Variants in TRIM33 observed in about 807,000 individuals in gnomAD.
TRIM33 encodes the protein tripartite motif containing 33, also known as E3 ubiquitin-protein ligase TRIM33.
Under a neutral mutation model 125.4 loss-of-function variants are expected in TRIM33, and 20 were observed. The observed-to-expected ratio is 0.16, with a 90% CI of 0.11 to 0.23. The LOEUF is 0.23. TRIM33 is among the 10% of genes least tolerant of loss of function. The pLI is 1.00. For synonymous variants in TRIM33, 564 were observed against 513.9 expected, an observed-to-expected ratio of 1.10 and a Z score of -1.32; for missense variants, 920 against 1,411.4, an observed-to-expected ratio of 0.65 and a Z score of 5.58.
At chr1:114,410,457 G>GT in intron 11 of TRIM33, 141 bp from the exon 12 acceptor site, 2 of 853,024 alleles carry the variant, frequency 2.3e-6, no homozygotes, top group Non-Finnish European at 3.5e-6. Flanking sequence ...TGCTTCCTTA[G>GT]GGTCCACTGA....
intron 1 of TRIM33, among the ~76,000 whole-genome samples, chr1:114,480,878 G>A (rs1651287364): frequency 1.3e-5 from 2 of 152,052 alleles, no homozygotes; most frequent in Admixed American, 1.3e-4. Context: ...AAAAGGAGAG[G>A]AGAAGATAAA....
intron 11 of TRIM33, among the ~76,000 whole-genome samples, chr1:114,413,558 C>CAAAAAAAAAAA (rs34268626): frequency 2.5e-5 from 1 of 40,804 alleles, no homozygotes; most frequent in African/African-American, 1.2e-4. Context: ...AACTCCATCT[C>CAAAAAAAAAAA]AAAAAAAAAA....
At chr1:114,491,571 G>C (rs917417186) in intron 1 of TRIM33, among the ~76,000 whole-genome samples, 1 of 152,188 alleles carries the variant, frequency 6.6e-6, no homozygotes, top group African/African-American at 2.4e-5. Context: ...GGAGGCTAAA[G>C]TAGGTAGATA....
intron 1 of TRIM33, among the ~76,000 whole-genome samples, chr1:114,486,449 C>T (rs1383112341): frequency 6.7e-6 from 1 of 150,226 alleles, no homozygotes; most frequent in Non-Finnish European, 1.5e-5. Context: ...TGGAGAAACT[C>T]CGTTTCTAAC....
intron 17 of TRIM33, 21 bp downstream of exon 17, chr1:114,401,368 C>A: frequency 6.2e-7 from 1 of 1,604,224 alleles, no homozygotes; most frequent in Non-Finnish European, 8.5e-7. Context: ...CCCCACCGAG[C>A]TACTAAGGTA....
In TRIM33 at chr1:114,396,811, T is replaced by G. The variant is rs566389598; in HGVS notation, c.*837A>C. 1 of 209,390 alleles carries G rather than the reference T, an allele frequency of 4.8e-6. No homozygotes were observed. The highest frequency in any genetic ancestry group is 2.3e-5 in the African/African-American group (1 of 44,190). The allele number at this position is 209,390 out of a possible 1,614,324, so 13.0% of individuals were successfully genotyped here. Reference sequence around the variant, plus strand: ...GTTGTCACCTTCTCAAATTTAAATGTACAGAAAACTAGATTAATTTTGAAA... The same window carrying G: ...GTTGTCACCTTCTCAAATTTAAATGGACAGAAAACTAGATTAATTTTGAAA... On this transcript the variant is annotated 3_prime_UTR_variant, in exon 20 of 20. Coordinates refer to ENST00000358465, the MANE Select transcript of TRIM33 (RefSeq NM_015906.4).
chr1:114,393,411 T>C lies in TRIM33; in HGVS notation c.*4237A>G, dbSNP rs1651382253. 4.9e-6 allele frequency: 1 copy of C among 202,396 alleles called. No homozygotes were observed. The highest frequency in any genetic ancestry group is 1.0e-5 in the Non-Finnish European group (1 of 98,466). 12.5% of individuals were successfully genotyped at this position (202,396 alleles called of 1,614,324 possible). A position where few individuals can be genotyped will look rare whatever the true frequency, so the allele number is the denominator to read the frequency against. On this transcript the variant is annotated 3_prime_UTR_variant, in exon 20 of 20. Coordinates refer to ENST00000358465, the MANE Select transcript of TRIM33 (RefSeq NM_015906.4). ...TTGCAGTGGCACTTACAAAATCATT[T>C]TGGTGCCTTCCCACACATAAATTTG...
At chr1:114,425,009 G>A (rs1055896726) in intron 9 of TRIM33, among the ~76,000 whole-genome samples, 9 of 151,900 alleles carry the variant, frequency 5.9e-5, no homozygotes, top group African/African-American at 1.4e-4. Context: ...TGTTTAAAGC[G>A]TATCAACATT....
At chr1:114,452,725 C>CT (rs1386032675) in intron 4 of TRIM33, among the ~76,000 whole-genome samples, 88 of 89,936 alleles carry the variant, frequency 9.8e-4, no homozygotes, top group Non-Finnish European at 1.4e-3. Context: ...GACCCCATCT[C>CT]TTAAAAAAAA....
At chr1:114,453,111 C>T (rs183676081) in intron 4 of TRIM33, among the ~76,000 whole-genome samples, 3 of 152,202 alleles carry the variant, frequency 2.0e-5, no homozygotes, top group Non-Finnish European at 4.4e-5. Flanking sequence ...TGCCTGTAAT[C>T]GCAGCACTTT....
chr1:114,395,721 A>G lies in TRIM33; in HGVS notation c.*1927T>C, dbSNP rs1651508190. The G allele has an allele frequency of 5.2e-6, 1 of 191,632 alleles. No homozygotes were observed. The highest frequency in any genetic ancestry group is 8.3e-5 in the East Asian group (1 of 12,048). The allele number at this position is 191,632 out of a possible 1,614,324, so 11.9% of individuals were successfully genotyped here. A position where few individuals can be genotyped will look rare whatever the true frequency, so the allele number is the denominator to read the frequency against. Reference sequence around the variant, plus strand: ...TTTAAAATTTGAGTAAAATGTTTCAACAGTTTGGTATATTTTCAACGGCTT... The same window carrying G: ...TTTAAAATTTGAGTAAAATGTTTCAGCAGTTTGGTATATTTTCAACGGCTT... On this transcript the variant is annotated 3_prime_UTR_variant, in exon 20 of 20. Coordinates refer to ENST00000358465, the MANE Select transcript of TRIM33 (RefSeq NM_015906.4).
intron 4 of TRIM33, among the ~76,000 whole-genome samples, chr1:114,440,360 A>C (rs1648577673): frequency 6.6e-6 from 1 of 152,154 alleles, no homozygotes; most frequent in Non-Finnish European, 1.5e-5. Flanking sequence ...AAAAAAAAAA[A>C]AATTGCATAA....
chr1:114,401,451 G>C lies in TRIM33; in HGVS notation c.2905C>G (p.Leu969Val). 2 of 1,612,164 alleles carry C rather than the reference G, an allele frequency of 1.2e-6. No individual in the cohort carries two copies. The part of the protein sequence containing the change: ...SPVDQRKCER[L>V]LLYLYCHELS... ...TCATGGCAATAGAGGTAAAGCAGAA[G>C]ACGTTCACATTTCTGGCCCAAACAA... Residue 969 changes from leucine to valine, a missense_variant, in exon 17 of 20, where the codon CTT becomes GTT. Coordinates refer to ENST00000358465, the MANE Select transcript of TRIM33 (RefSeq NM_015906.4).
At chr1:114,475,180 A>T (rs1376598901) in intron 1 of TRIM33, among the ~76,000 whole-genome samples, 6 of 152,196 alleles carry the variant, frequency 3.9e-5, no homozygotes, top group African/African-American at 7.2e-5. Flanking sequence ...GACAATTATC[A>T]AGTGGTCTAA....
At chr1:114,479,591 G>C (rs950727263) in intron 1 of TRIM33, among the ~76,000 whole-genome samples, 1 of 152,150 alleles carries the variant, frequency 6.6e-6, no homozygotes, top group African/African-American at 2.4e-5. Context: ...GTCACACTTA[G>C]CATATTTGTA....
intron 1 of TRIM33, among the ~76,000 whole-genome samples, chr1:114,498,435 G>A (rs1160311806): frequency 3.3e-5 from 5 of 152,090 alleles, no homozygotes; most frequent in South Asian, 2.1e-4. Flanking sequence ...ATCACCTGAG[G>A]TCAGGAGTTC....
At chr1:114,431,594 C>T (rs531315561) in intron 5 of TRIM33, among the ~76,000 whole-genome samples, 1 of 152,186 alleles carries the variant, frequency 6.6e-6, no homozygotes, top group East Asian at 1.9e-4. Flanking sequence ...AATCCCACCA[C>T]TATAAATATA....
chr1:114,497,509 G>T (rs1652442796), intron 1 of TRIM33, among the ~76,000 whole-genome samples: 1 of 152,018 alleles, frequency 6.6e-6, no homozygotes, highest in Non-Finnish European at 1.5e-5. Context: ...CCACATTGGC[G>T]AGGCTTGTCT....
In TRIM33 at chr1:114,421,642, A is replaced by G. The variant is rs1249876217; in HGVS notation, c.1861-6T>C. 1 of 1,613,558 alleles carries G rather than the reference A, an allele frequency of 6.2e-7. No homozygotes were observed. Among genetic ancestry groups the G allele is most frequent in the East Asian group, 2.2e-5 (1 of 44,892 alleles). The stretch of plus-strand genomic sequence containing the variant: ...GCATGCCCTGGGTTTGAGTGCTAAT[A>G]AGAAAGAAGACATTATCATTACTTG... On this transcript the variant is annotated splice_region_variant and splice_polypyrimidine_tract_variant and intron_variant, in intron 10 of 19. Coordinates refer to ENST00000358465, the MANE Select transcript of TRIM33 (RefSeq NM_015906.4).
Sources: allele counts gnomAD v4.1 joint callset (sites outside exome capture counted in the v4.1 genomes callset), GRCh38; gene constraint gnomAD v4.1.1; transcripts MANE v1.5; gene names NCBI Gene and HGNC (gene_info 2026-07-23, HGNC 2026-07-21).